TBCCD1: variants seen among roughly 807,000 people sequenced by gnomAD.
TBCCD1 encodes TBCC domain-containing protein 1.
Under a neutral mutation model 53.4 loss-of-function variants are expected in TBCCD1, and 26 were observed. The observed-to-expected ratio is 0.49, with a 90% CI of 0.36 to 0.68. The LOEUF (loss-of-function observed/expected upper bound fraction) is 0.68, where lower values mean the gene tolerates loss of function less well. Ranked by LOEUF, TBCCD1 falls within the 30% of genes least tolerant of loss-of-function variation. TBCCD1 has a pLI of 0.00. For synonymous variants in TBCCD1, 245 were observed against 241.7 expected, an observed-to-expected ratio of 1.01 and a Z score of -0.13; for missense variants, 558 against 669.5, an observed-to-expected ratio of 0.83 and a Z score of 1.84.
intron 6 of TBCCD1, among the ~76,000 whole-genome samples, chr3:186,552,481 C>T (rs1370802650): frequency 6.6e-6 from 1 of 152,188 alleles, no homozygotes; most frequent in African/African-American, 2.4e-5. Context: ...AACCCCCACA[C>T]CAACCTCCAA....
chr3:186,569,308 T>TTTATTTATTTA (rs1553849535), upstream of TBCCD1, among the ~76,000 whole-genome samples: 25,544 of 150,414 alleles, frequency 0.17, 2,964 homozygotes, highest in African/African-American at 0.32. Context: ...GACTTTTATT[T>TTTATTTATTTA]TTTATTTATT....
intron 2 of TBCCD1, among the ~76,000 whole-genome samples, chr3:186,562,977 A>G (rs893285604): frequency 6.6e-6 from 1 of 152,250 alleles, no homozygotes; most frequent in Non-Finnish European, 1.5e-5. Context: ...CAAATGCCAT[A>G]GCAAAAATGA....
intron 7 of TBCCD1, among the ~76,000 whole-genome samples, chr3:186,549,084 C>G (rs1468508773): frequency 1.3e-5 from 2 of 148,894 alleles, no homozygotes; most frequent in Non-Finnish European, 3.0e-5. Flanking sequence ...GTCAGGAGTT[C>G]AAGACCAGCC....
rs369494454 is a variant in TBCCD1 at position 186,561,646 on chromosome 3, G to A, written c.336+2348C>T. Reference sequence around the variant, plus strand: ...TATTAAAAAATACACAAAACTAGCCGGGCATGGTGGTGGGTGCCTGTAGTC... The same window carrying A: ...TATTAAAAAATACACAAAACTAGCCAGGCATGGTGGTGGGTGCCTGTAGTC... On this transcript the variant is annotated intron_variant, in intron 2 of 7. Coordinates refer to ENST00000338733, the MANE Select transcript of TBCCD1 (RefSeq NM_018138.5). Among the ~76,000 whole-genome samples the A allele has an allele frequency of 4.3e-4, 66 of 152,288 alleles. 3 individuals carry two copies. The highest frequency in any genetic ancestry group is 1.5e-3 in the African/African-American group (62 of 41,562).
At chr3:186,555,390 C>T (rs1185107937) in intron 4 of TBCCD1, among the ~76,000 whole-genome samples, 1 of 152,176 alleles carries the variant, frequency 6.6e-6, no homozygotes, top group Non-Finnish European at 1.5e-5. Context: ...TGCCTAAGGT[C>T]ATATGGCTAG....
At chr3:186,562,737 C>A (rs6804876) in intron 2 of TBCCD1, among the ~76,000 whole-genome samples, 97,060 of 149,480 alleles carry the variant, frequency 0.65, 31,857 homozygotes, top group East Asian at 0.84. Context: ...GGAGGGGGAA[C>A]CTATGGGGGG....
At chr3:186,547,030 G>A (rs992463452) in intron 7 of TBCCD1, 75 bp from the exon 8 acceptor site, 3 of 151,738 alleles carry the variant, frequency 2.0e-5, no homozygotes, top group East Asian at 1.9e-4. Context: ...AAAACTCTAC[G>A]TTTAAAAAAT....
intron 2 of TBCCD1, among the ~76,000 whole-genome samples, chr3:186,559,870 A>G (rs778884139): frequency 2.0e-5 from 3 of 152,166 alleles, no homozygotes; most frequent in Non-Finnish European, 4.4e-5. Flanking sequence ...ATACGAGAAC[A>G]TTTCCATCAA....
chr3:186,550,914 T>G (rs1714354204), intron 7 of TBCCD1, among the ~76,000 whole-genome samples: 1 of 152,174 alleles, frequency 6.6e-6, no homozygotes, highest in Admixed American at 6.5e-5. Flanking sequence ...AATTTGGCCA[T>G]TATATTGGCC....
chr3:186,554,773 G>A (rs780726633), intron 5 of TBCCD1, 22 bp from the exon 6 acceptor site: 21 of 1,599,958 alleles, frequency 1.3e-5, no homozygotes, highest in Non-Finnish European at 1.6e-5. Context: ...AAAAAATGAG[G>A]TAAAGTCCTC....
At chr3:186,549,530 G>A (rs1415611778) in intron 7 of TBCCD1, among the ~76,000 whole-genome samples, 1 of 152,122 alleles carries the variant, frequency 6.6e-6, no homozygotes, top group Non-Finnish European at 1.5e-5. Context: ...AAGATCAATT[G>A]GGTGTGATAG....
chr3:186,558,756 T>C (rs1375427030), intron 2 of TBCCD1, among the ~76,000 whole-genome samples, 184 bp from the exon 3 acceptor site: 1 of 152,194 alleles, frequency 6.6e-6, no homozygotes, highest in Non-Finnish European at 1.5e-5. Flanking sequence ...TCTTTTTTTT[T>C]TGAGACAGAG....
upstream of TBCCD1, among the ~76,000 whole-genome samples, chr3:186,569,011 G>A (rs1392950841): frequency 6.6e-6 from 1 of 152,028 alleles, no homozygotes; most frequent in African/African-American, 2.4e-5. Context: ...CTGAGGTGGC[G>A]ACCTTTAAGC....
chr3:186,547,897 C>A (rs1714260554), intron 7 of TBCCD1, among the ~76,000 whole-genome samples: 1 of 151,820 alleles, frequency 6.6e-6, no homozygotes, highest in African/African-American at 2.4e-5. Context: ...ATGCTAAATT[C>A]TTTAAAAAAA....
chr3:186,556,992 C>A (rs924405607), intron 3 of TBCCD1, among the ~76,000 whole-genome samples: 1 of 152,142 alleles, frequency 6.6e-6, no homozygotes, highest in African/African-American at 2.4e-5. Context: ...CTATTCCAGT[C>A]CCAATGTCAA....
intron 2 of TBCCD1, among the ~76,000 whole-genome samples, chr3:186,561,355 C>T (rs932630343): frequency 2.0e-5 from 3 of 152,174 alleles, no homozygotes. Flanking sequence ...AACATCACTA[C>T]TCATTAGAGA....
intron 2 of TBCCD1, 77 bp from the exon 3 acceptor site, chr3:186,558,649 T>A: frequency 6.7e-7 from 1 of 1,490,854 alleles, no homozygotes; most frequent in Non-Finnish European, 9.0e-7. Context: ...GTAGACATAG[T>A]AAATTCACAA....
At chr3:186,550,403 T>A (rs1443059950) in intron 7 of TBCCD1, among the ~76,000 whole-genome samples, 1 of 152,050 alleles carries the variant, frequency 6.6e-6, no homozygotes, top group African/African-American at 2.4e-5. Context: ...CTGGCCAACA[T>A]GGTGAAACCC....
chr3:186,547,645 C>T (rs1196864087), intron 7 of TBCCD1, among the ~76,000 whole-genome samples: 16 of 146,762 alleles, frequency 1.1e-4, no homozygotes, highest in Admixed American at 5.5e-4. Flanking sequence ...CTCGCTCTGT[C>T]GCCCAGGCTG....
Sources: allele counts gnomAD v4.1 joint callset (sites outside exome capture counted in the v4.1 genomes callset), GRCh38; gene constraint gnomAD v4.1.1; transcripts MANE v1.5; gene names NCBI Gene and HGNC (gene_info 2026-07-23, HGNC 2026-07-21).